CC2D2B: variants seen among roughly 807,000 people sequenced by gnomAD.
CC2D2B encodes the protein protein CC2D2B.
Under a neutral mutation model 161.2 loss-of-function variants are expected in CC2D2B, and 128 were observed. The ratio of observed to expected loss-of-function variants is 0.79; its 90% CI spans 0.69 to 0.92. The LOEUF (loss-of-function observed/expected upper bound fraction) is 0.92, where lower values mean the gene tolerates loss of function less well. Among genes scored for constraint, CC2D2B ranks in the 40% least tolerant of loss-of-function variants. The probability of loss-of-function intolerance (pLI) is 0.00; values close to 1 mark genes in which losing one functional copy is unlikely to be tolerated. For missense variants in CC2D2B, 1,173 were observed against 1,375.1 expected (o/e 0.85, Z 2.32); for synonymous variants, 391 against 449.8 (o/e 0.87, Z 1.65).
intron 17 of CC2D2B, among the ~76,000 whole-genome samples, chr10:95,975,911 A>G (rs1661218747): frequency 6.6e-6 from 1 of 152,226 alleles, no homozygotes; most frequent in Non-Finnish European, 1.5e-5. Flanking sequence ...ATATTTCTCT[A>G]GCATAGTCTC....
At position 96,027,232 on chromosome 10, in the gene CC2D2B, G is replaced by C; in HGVS notation, c.3968G>C (p.Ser1323Thr). Residue 1323 changes from serine (S) to threonine (T), a missense_variant, in exon 34 of 35, where the codon AGT (serine) becomes ACT (threonine). By Grantham distance (58) the Ser-to-Thr change is moderately conservative. This residue lies in a region of CC2D2B where 598 missense variants were observed against 693.2 expected (regional missense o/e 0.86). Coordinates refer to ENST00000646931, the MANE Select transcript of CC2D2B (RefSeq NM_001349008.3). ...LRNRIERTLK[S>T]KVMEWRPKHP... ...CTTAGGATCGAAAGGACTCTGAAGA[G>C]TAAAGTGATGGAATGGCGACCTAAA... The C allele has an allele frequency of 6.5e-7, 1 of 1,545,016 alleles. No homozygotes were observed. The highest frequency in any genetic ancestry group is 8.7e-7 in the Non-Finnish European group (1 of 1,144,290).
intron 30 of CC2D2B, among the ~76,000 whole-genome samples, chr10:96,017,268 T>G (rs532516993): frequency 6.6e-6 from 1 of 152,324 alleles, no homozygotes; most frequent in South Asian, 2.1e-4. Flanking sequence ...GCCTTATGGT[T>G]TTTGTCATGA....
chr10:96,014,161 C>G (rs2079099554), intron 29 of CC2D2B, among the ~76,000 whole-genome samples: 1 of 152,160 alleles, frequency 6.6e-6, no homozygotes, highest in Non-Finnish European at 1.5e-5. Flanking sequence ...TGACTTGTCA[C>G]TATGGAGTTG....
intron 26 of CC2D2B, among the ~76,000 whole-genome samples, chr10:96,011,916 G>T (rs546746511): frequency 6.6e-6 from 1 of 152,174 alleles, no homozygotes; most frequent in African/African-American, 2.4e-5. Flanking sequence ...TTTATCGCTG[G>T]TATCGTAACT....
chr10:95,964,704 C>T (rs911552925), intron 12 of CC2D2B, among the ~76,000 whole-genome samples: 3 of 152,104 alleles, frequency 2.0e-5, no homozygotes, highest in Non-Finnish European at 4.4e-5. Flanking sequence ...GCCCAAGATA[C>T]TACCATATAG....
intron 17 of CC2D2B, among the ~76,000 whole-genome samples, chr10:95,981,398 CAAAA>C (rs35175559): frequency 0.046 from 4,042 of 88,346 alleles, 90 homozygotes; most frequent in African/African-American, 0.11. Context: ...GACTCCGTCT[CAAAA>C]AAAAAAAAAA....
chr10:96,004,540 A>G (rs1056123620), intron 25 of CC2D2B, among the ~76,000 whole-genome samples: 1 of 152,238 alleles, frequency 6.6e-6, no homozygotes, highest in African/African-American at 2.4e-5. Context: ...TCCTGTAGCC[A>G]ATACAGAAAT....
intron 25 of CC2D2B, among the ~76,000 whole-genome samples, chr10:96,008,211 T>A (rs1402331289): frequency 1.4e-5 from 2 of 139,858 alleles, no homozygotes; most frequent in Non-Finnish European, 3.1e-5. Context: ...CTCAGAAAAA[T>A]TATTTTCAGA....
At chr10:95,959,575 C>T (rs1159986915) in intron 11 of CC2D2B, among the ~76,000 whole-genome samples, 1 of 152,138 alleles carries the variant, frequency 6.6e-6, no homozygotes, top group Non-Finnish European at 1.5e-5. Context: ...AACTGAATTT[C>T]ACTCATGAGC....
Position 95,972,202 on chromosome 10 carries a change from G to C in CC2D2B, c.1781G>C (p.Gly594Ala). ...GATAAGCTGGTCATGCCTGCCGATG[G>C]AGAAGTAGGAAGCAGTGAGTTTATT... ...SSDKLVMPADGEVGSNVPFLL... is the reference protein window; with the variant it reads ...SSDKLVMPADAEVGSNVPFLL... Residue 594 changes from glycine (G) to alanine (A), a missense_variant, in exon 16 of 35, where the codon GGA becomes GCA. This residue lies in a region of CC2D2B where 277 missense variants were observed against 420.6 expected (regional missense o/e 0.66). Coordinates refer to ENST00000646931, the MANE Select transcript of CC2D2B (RefSeq NM_001349008.3). The C allele has an allele frequency of 8.1e-7, 1 of 1,232,026 alleles. No homozygotes were observed. The highest frequency in any genetic ancestry group is 4.2e-5 in the Admixed American group (1 of 23,722). 76.3% of individuals were successfully genotyped at this position (1,232,026 alleles called of 1,614,324 possible).
At chr10:95,965,359 T>C (rs531887530) in intron 12 of CC2D2B, among the ~76,000 whole-genome samples, 1 of 152,230 alleles carries the variant, frequency 6.6e-6, no homozygotes, top group South Asian at 2.1e-4. Context: ...GTAAGTACTA[T>C]ATAAGGATTA....
intron 34 of CC2D2B, 118 bp from the exon 35 acceptor site, chr10:96,031,702 C>T (rs1210318128): frequency 1.1e-6 from 1 of 903,976 alleles, no homozygotes; most frequent in East Asian, 2.4e-5. Flanking sequence ...CCACAGACAA[C>T]TATTATAGTA....
At chr10:95,919,388 G>C (rs1408385076) in intron 2 of CC2D2B, 1 of 152,182 alleles carries the variant, frequency 6.6e-6, no homozygotes, top group Non-Finnish European at 1.5e-5. Context: ...CAGACTTGTA[G>C]AGGTACTGCC....
At position 95,981,977 on chromosome 10, in the gene CC2D2B, T is replaced by G. The variant is rs531816809; in HGVS notation, c.1946T>G (p.Met649Arg). The change falls in exon 18 of 35, where the codon ATG becomes AGG. Residue 649 changes from methionine to arginine, a missense_variant and splice_region_variant. By Grantham distance (91) the Met-to-Arg change is moderately conservative. Around this residue, in one of 3 missense-constraint regions of CC2D2B, gnomAD observed 277 missense variants for 420.6 expected, o/e 0.66. Transcript: ENST00000646931. ...PQSLRSSYCS[M>R]LRNVDARSVP... ...ACAAAATATTTTCTCTATGTTAGTA[T>G]GTTAAGGAATGTAGATGCAAGAAGT... 4.2e-5 allele frequency: 51 copies of G among 1,225,618 alleles called. No individual in the cohort carries two copies. In the South Asian group the frequency reaches 1.8e-3, roughly 43 times the overall value. The allele number at this position is 1,225,618 out of a possible 1,614,324, so 75.9% of individuals were successfully genotyped here.
At chr10:95,932,683 T>G (rs1353655530) in intron 6 of CC2D2B, among the ~76,000 whole-genome samples, 1 of 152,198 alleles carries the variant, frequency 6.6e-6, no homozygotes, top group Non-Finnish European at 1.5e-5. Context: ...AAAATTCTTT[T>G]CTTTAAGAAT....
intron 14 of CC2D2B, among the ~76,000 whole-genome samples, chr10:95,967,941 C>A (rs1293065211): frequency 1.3e-5 from 2 of 152,164 alleles, no homozygotes; most frequent in Non-Finnish European, 2.9e-5. Context: ...AGCCTTCTCC[C>A]TTCTGAGAAA....
At chr10:95,996,416 G>A (rs1185653903) in intron 24 of CC2D2B, among the ~76,000 whole-genome samples, 164 bp downstream of exon 24, 1 of 151,966 alleles carries the variant, frequency 6.6e-6, no homozygotes, top group African/African-American at 2.4e-5. Flanking sequence ...ATACTGTATA[G>A]CATAATATAT....
At chr10:96,027,581 A>G (rs1014487526) in intron 34 of CC2D2B, among the ~76,000 whole-genome samples, 192 bp downstream of exon 34, 1 of 152,214 alleles carries the variant, frequency 6.6e-6, no homozygotes, top group African/African-American at 2.4e-5. Flanking sequence ...CAATCTACAG[A>G]TTCAATGCAA....
rs2077235555 is a variant in CC2D2B at position 95,974,157 on chromosome 10, G to T, written c.1943+1G>T. 1.6e-6 allele frequency: 2 copies of T among 1,227,510 alleles called. No individual in the cohort carries two copies. The highest frequency in any genetic ancestry group is 3.1e-4 in the Middle Eastern group (1 of 3,220). 76.0% of individuals were successfully genotyped at this position (1,227,510 alleles called of 1,614,324 possible). ...AATCATTAAGATCTTCTTACTGCAGGTAATAAACTTTTATCTTTGAAAAAT... is the reference window on the plus strand; with the variant it reads ...AATCATTAAGATCTTCTTACTGCAGTTAATAAACTTTTATCTTTGAAAAAT... On this transcript the variant is annotated splice_donor_variant, in intron 17 of 34. Transcript: ENST00000646931. LOFTEE classifies it high-confidence loss of function.
Sources: allele counts gnomAD v4.1 joint callset (sites outside exome capture counted in the v4.1 genomes callset), GRCh38; gene constraint gnomAD v4.1.1; regional missense constraint gnomAD v4.1.1; transcripts MANE v1.5; gene names NCBI Gene and HGNC (gene_info 2026-07-23, HGNC 2026-07-21).